PIRT: variants seen among roughly 807,000 people sequenced by gnomAD.
PIRT encodes phosphoinositide interacting regulator of transient receptor potential channels, also known as phosphoinositide-interacting protein.
A neutral mutation model predicts 7.9 loss-of-function variants in PIRT; 6 were observed. The observed-to-expected ratio is 0.76, with a 90% CI of 0.42 to 1.51. The LOEUF is 1.51. PIRT is among the 40% of genes most tolerant of loss of function. PIRT has a pLI of 0.01. For missense variants in PIRT, 170 were observed against 172.9 expected (o/e 0.98, Z 0.09); for synonymous variants, 78 against 71.8 (o/e 1.09, Z -0.44).
At position 10,825,180 on chromosome 17, in the gene PIRT, G is replaced by A; in HGVS notation, c.*52C>T. ...AGAGGAGACAGGGATGTCGGATGTT[G>A]GTCATCAGATCTTCTCCCAGTCAAG... On this transcript the variant is annotated 3_prime_UTR_variant, in exon 2 of 2. Coordinates refer to ENST00000580256, the MANE Select transcript of PIRT (RefSeq NM_001101387.2). The A allele has an allele frequency of 6.3e-7, 1 of 1,581,456 alleles. No individual in the cohort carries two copies.
At chr17:10,835,986 T>C (rs1356242488) in intron 1 of PIRT, among the ~76,000 whole-genome samples, 1 of 150,972 alleles carries the variant, frequency 6.6e-6, no homozygotes, top group Non-Finnish European at 1.5e-5. Flanking sequence ...CACTGCAACC[T>C]CCACCTCCCA....
At position 10,832,068 on chromosome 17, in the gene PIRT, G is replaced by A. The variant is rs148145874; in HGVS notation, c.-139+5877C>T. Among the ~76,000 whole-genome samples, 183 of 152,362 alleles carry A rather than the reference G, an allele frequency of 1.2e-3. 1 individual carries two copies. The highest frequency in any genetic ancestry group is 3.9e-3 in the African/African-American group (164 of 41,590). ...CAGACAGAGAAAGAATGCATGCGATGTGATCTCATTTCCGTAAAATTCAAA... is the reference window on the plus strand; with the variant it reads ...CAGACAGAGAAAGAATGCATGCGATATGATCTCATTTCCGTAAAATTCAAA... On this transcript the variant is annotated intron_variant, in intron 1 of 1. Transcript: ENST00000580256.
Position 10,824,901 on chromosome 17 carries a change from C to T in PIRT, c.*331G>A. On this transcript the variant is annotated 3_prime_UTR_variant, in exon 2 of 2. Coordinates refer to ENST00000580256, the MANE Select transcript of PIRT (RefSeq NM_001101387.2). ...AGGTTCTCCCTTGGGCATAGCCCAC[C>T]TTCGAAGAATTTCCCAGCATGCATT... 2 of 307,558 alleles carry T rather than the reference C, an allele frequency of 6.5e-6. No homozygotes were observed. Among genetic ancestry groups the T allele is most frequent in the Non-Finnish European group, 1.2e-5 (2 of 165,494 alleles). The allele number at this position is 307,558 out of a possible 1,614,324, so 19.1% of individuals were successfully genotyped here.
At position 10,823,053 on chromosome 17, in the gene PIRT, A is replaced by G. The variant is rs1400978514; in HGVS notation, c.*2179T>C. On this transcript the variant is annotated 3_prime_UTR_variant, in exon 2 of 2. Transcript: ENST00000580256. ...TGGGCAGAGGAAATGAGGCACCTGG[A>G]GTGTGGGTTTCCAGTGAGTGATCTG... 1 of 152,128 alleles carries G rather than the reference A, an allele frequency of 6.6e-6. No individual in the cohort carries two copies. Among genetic ancestry groups the G allele is most frequent in the Non-Finnish European group, 1.5e-5 (1 of 68,020 alleles). The allele number at this position is 152,128 out of a possible 1,614,324, so 9.4% of individuals were successfully genotyped here. A position where few individuals can be genotyped will look rare whatever the true frequency, so the allele number is the denominator to read the frequency against.
In PIRT at chr17:10,822,974, T is replaced by C. The variant is rs1192938148; in HGVS notation, c.*2258A>G. 1 of 152,172 alleles carries C rather than the reference T, an allele frequency of 6.6e-6. No homozygotes were observed. Among genetic ancestry groups the C allele is most frequent in the Non-Finnish European group, 1.5e-5 (1 of 68,028 alleles). The allele number at this position is 152,172 out of a possible 1,614,324, so 9.4% of individuals were successfully genotyped here. A position where few individuals can be genotyped will look rare whatever the true frequency, so the allele number is the denominator to read the frequency against. The stretch of plus-strand genomic sequence containing the variant: ...CTTCCTTCCACTAAGACATCCATGA[T>C]AGCAGTATCCAAATGGGCCCTCCTC... On this transcript the variant is annotated 3_prime_UTR_variant, in exon 2 of 2. Coordinates refer to ENST00000580256, the MANE Select transcript of PIRT (RefSeq NM_001101387.2).
Position 10,822,999 on chromosome 17 carries a change from C to T in PIRT, c.*2233G>A, listed in dbSNP as rs1251018180. 7 of 152,238 alleles carry T rather than the reference C, an allele frequency of 4.6e-5. No individual in the cohort carries two copies. The East Asian group carries it at 1.4e-3, about 29-fold the overall frequency. The allele number at this position is 152,238 out of a possible 1,614,324, so 9.4% of individuals were successfully genotyped here. A position where few individuals can be genotyped will look rare whatever the true frequency, so the allele number is the denominator to read the frequency against. On this transcript the variant is annotated 3_prime_UTR_variant, in exon 2 of 2. Transcript: ENST00000580256. ...TAGCAGTATCCAAATGGGCCCTCCT[C>T]ATATAGCTGTGCCCAGGCTACAATC...
Position 10,828,832 on chromosome 17 carries a change from C to T in PIRT, c.-138-3049G>A, listed in dbSNP as rs577205642. 8.1e-4 allele frequency among the ~76,000 whole-genome samples: 123 copies of T among 152,342 alleles called. 1 individual carries two copies. The highest frequency in any genetic ancestry group is 1.6e-3 in the Non-Finnish European group (106 of 68,042). On this transcript the variant is annotated intron_variant, in intron 1 of 1. Transcript: ENST00000580256. ...TTCCATTCTCTAGAACAAGCAGTTA[C>T]AGATCCCTCACCATTAACAGGGGGA...
At chr17:10,828,030 AG>A (rs1905375112) in intron 1 of PIRT, among the ~76,000 whole-genome samples, 1 of 152,222 alleles carries the variant, frequency 6.6e-6, no homozygotes, top group Non-Finnish European at 1.5e-5. Flanking sequence ...TGAATGAGTA[AG>A]TAAATGAACA....
Position 10,825,751 on chromosome 17 carries a change from C to T in PIRT, c.-106G>A, listed in dbSNP as rs973235637. 22 of 1,126,416 alleles carry T rather than the reference C, an allele frequency of 2.0e-5. No individual in the cohort carries two copies. The highest frequency in any genetic ancestry group is 3.7e-5 in the Admixed American group (1 of 26,926). The allele number at this position is 1,126,416 out of a possible 1,614,324, so 69.8% of individuals were successfully genotyped here. ...TGTACTCAGCATCCATCTCTAGCCC[C>T]GCTCTCAGTGGAGGGTGAACAAGGT... is the stretch of plus-strand genomic sequence containing the variant. On this transcript the variant is annotated 5_prime_UTR_variant, in exon 2 of 2. Coordinates refer to ENST00000580256, the MANE Select transcript of PIRT (RefSeq NM_001101387.2).
At chr17:10,835,711 G>T (rs1242349535) in intron 1 of PIRT, among the ~76,000 whole-genome samples, 1 of 152,216 alleles carries the variant, frequency 6.6e-6, no homozygotes, top group Non-Finnish European at 1.5e-5. Flanking sequence ...GGCCAGCAAG[G>T]GGCCTGTGGC....
chr17:10,829,986 T>TCTAA (rs1905426031), intron 1 of PIRT, among the ~76,000 whole-genome samples: 1 of 151,714 alleles, frequency 6.6e-6, no homozygotes, highest in Non-Finnish European at 1.5e-5. Flanking sequence ...TATCTATCTA[T>TCTAA]CTATCTATCT....
Position 10,825,665 on chromosome 17 carries a change from C to G in PIRT, c.-20G>C. On this transcript the variant is annotated 5_prime_UTR_variant, in exon 2 of 2. Coordinates refer to ENST00000580256, the MANE Select transcript of PIRT (RefSeq NM_001101387.2). Reference sequence around the variant, plus strand: ...CGTCATGGTTGCTCAGGACTGGGCGCCTAGGACCAGCAATAGTTGGAAACA... The same window carrying G: ...CGTCATGGTTGCTCAGGACTGGGCGGCTAGGACCAGCAATAGTTGGAAACA... 6.9e-7 allele frequency: 1 copy of G among 1,453,082 alleles called. No individual in the cohort carries two copies. The highest frequency in any genetic ancestry group is 1.5e-5 in the South Asian group (1 of 66,462). The allele number at this position is 1,453,082 out of a possible 1,614,324, so 90.0% of individuals were successfully genotyped here.
At chr17:10,826,239 C>T (rs976109007) in intron 1 of PIRT, among the ~76,000 whole-genome samples, 8 of 152,216 alleles carry the variant, frequency 5.3e-5, no homozygotes, top group African/African-American at 1.9e-4. Flanking sequence ...GCTGGGATTA[C>T]AGGCATGAGC....
intron 1 of PIRT, among the ~76,000 whole-genome samples, chr17:10,834,304 A>C (rs1354752618): frequency 6.6e-6 from 1 of 152,238 alleles, no homozygotes; most frequent in African/African-American, 2.4e-5. Context: ...TAACTTCTGA[A>C]GCGCACAACA....
In PIRT at chr17:10,824,298, C is replaced by T. The variant is rs368203261; in HGVS notation, c.*934G>A. The T allele has an allele frequency of 6.6e-6, 1 of 152,202 alleles. No homozygotes were observed. Among genetic ancestry groups the T allele is most frequent in the Non-Finnish European group, 1.5e-5 (1 of 68,042 alleles). The allele number at this position is 152,202 out of a possible 1,614,324, so 9.4% of individuals were successfully genotyped here. ...GAATTTTCTGACGTGAATTCCATCT[C>T]TAGAAACCTACAGATCATTCAGATA... On this transcript the variant is annotated 3_prime_UTR_variant, in exon 2 of 2. Coordinates refer to ENST00000580256, the MANE Select transcript of PIRT (RefSeq NM_001101387.2).
chr17:10,826,154 G>A (rs1181901067), intron 1 of PIRT, among the ~76,000 whole-genome samples: 1 of 152,076 alleles, frequency 6.6e-6, no homozygotes, highest in Non-Finnish European at 1.5e-5. Context: ...AGTAGAGACG[G>A]GTTTCCACCA....
At position 10,825,535 on chromosome 17, in the gene PIRT, G is replaced by A. The variant is rs753417937; in HGVS notation, c.111C>T (p.Ser37=). 15 of 1,610,942 alleles carry A rather than the reference G, an allele frequency of 9.3e-6. No homozygotes were observed. The highest frequency in any genetic ancestry group is 4.4e-5 in the South Asian group (4 of 90,494). The change falls in exon 2 of 2, where the codon AGC becomes AGT. Residue 37 remains serine (S), a synonymous_variant. Transcript: ENST00000580256. ...TASSLCISSR[S]ESVWTTTPRS... ...TGGGGGTGGTGGTCCAGACAGACTCGCTCCTGGAGCTGATGCACAGGGAGC... is the reference window on the plus strand; with the variant it reads ...TGGGGGTGGTGGTCCAGACAGACTCACTCCTGGAGCTGATGCACAGGGAGC...
intron 1 of PIRT, among the ~76,000 whole-genome samples, chr17:10,834,896 GTTTT>G (rs35273994): frequency 7.2e-6 from 1 of 139,214 alleles, no homozygotes. Flanking sequence ...AGCGTTGTTT[GTTTT>G]TTTTTTTTTT....
intron 1 of PIRT, among the ~76,000 whole-genome samples, chr17:10,832,016 G>A (rs1023727111): frequency 2.2e-4 from 34 of 152,228 alleles, no homozygotes; most frequent in African/African-American, 7.5e-4. Context: ...AACAGTGCCA[G>A]TCTGGGACTA....
Sources: gnomAD v4.1 joint callset for allele counts (sites outside exome capture counted in the v4.1 genomes callset) on GRCh38, gnomAD v4.1.1 for gene constraint, MANE v1.5 for transcripts, NCBI Gene and HGNC (gene_info 2026-07-23, HGNC 2026-07-21) for gene names.